CTNNA3: variants seen among roughly 807,000 people sequenced by gnomAD.
CTNNA3 encodes catenin alpha 3.
Under a neutral mutation model 95.7 loss-of-function variants are expected in CTNNA3, and 76 were observed. The ratio of observed to expected loss-of-function variants is 0.79; its 90% confidence interval spans 0.66 to 0.96. The LOEUF is 0.96. Among genes scored for constraint, CTNNA3 ranks in the 40% least tolerant of loss-of-function variants. CTNNA3 has a pLI of 0.00. For missense variants in CTNNA3, 1,191 were observed against 1,089.8 expected (o/e 1.09, Z -1.31); for synonymous variants, 431 against 374.4 (o/e 1.15, Z -1.74).
At chr10:67,079,717 G>A (rs1466015017) in intron 7 of CTNNA3, among the ~76,000 whole-genome samples, 3 of 151,806 alleles carry the variant, frequency 2.0e-5, no homozygotes, top group South Asian at 2.1e-4. Context: ...GCGTGGTGGC[G>A]GGCACCTGTA....
At chr10:66,479,523 T>C (rs547290073) in intron 11 of CTNNA3, among the ~76,000 whole-genome samples, 2 of 152,150 alleles carry the variant, frequency 1.3e-5, no homozygotes, top group Non-Finnish European at 2.9e-5. Flanking sequence ...TTAAATATTA[T>C]AATCATATAA....
intron 9 of CTNNA3, among the ~76,000 whole-genome samples, chr10:66,730,546 C>A (rs535695109): frequency 2.0e-4 from 31 of 152,156 alleles, no homozygotes; most frequent in Non-Finnish European, 4.1e-4. Context: ...CAGCAAACTA[C>A]CATGACACAT....
chr10:66,958,259 T>G (rs1041446947), intron 7 of CTNNA3, among the ~76,000 whole-genome samples: 5 of 150,394 alleles, frequency 3.3e-5, no homozygotes, highest in African/African-American at 1.2e-4. Flanking sequence ...AACTTAGCAT[T>G]TATTGGTTAA....
In CTNNA3 at chr10:66,804,382, G is replaced by C. The variant is rs544647231; in HGVS notation, c.1048-28858C>G. 2.0e-5 allele frequency among the ~76,000 whole-genome samples: 3 copies of C among 152,048 alleles called. No individual in the cohort carries two copies. In the East Asian group the frequency reaches 5.8e-4, roughly 29 times the overall value. On this transcript the variant is annotated intron_variant, in intron 7 of 17. Transcript: ENST00000433211. ...GAACTCCAGCATCATCCCTACATCC[G>C]CGCATCTGTATCCTTGCTCAGTGTC... is the stretch of plus-strand genomic sequence containing the variant.
intron 7 of CTNNA3, among the ~76,000 whole-genome samples, chr10:67,149,574 G>C (rs565125860): frequency 6.6e-6 from 1 of 152,218 alleles, no homozygotes; most frequent in Non-Finnish European, 1.5e-5. Context: ...AACAGAGATA[G>C]ACTCCGTCTC....
intron 7 of CTNNA3, among the ~76,000 whole-genome samples, chr10:66,995,400 C>G (rs761908223): frequency 6.6e-6 from 1 of 152,200 alleles, no homozygotes; most frequent in African/African-American, 2.4e-5. Flanking sequence ...TCATCTCTTA[C>G]ATGGCCCATG....
At chr10:66,735,478 C>A (rs1319858227) in intron 9 of CTNNA3, among the ~76,000 whole-genome samples, 4 of 151,834 alleles carry the variant, frequency 2.6e-5, no homozygotes, top group Non-Finnish European at 4.4e-5. Flanking sequence ...TTCAAACATA[C>A]TAAGATTTAA....
intron 7 of CTNNA3, among the ~76,000 whole-genome samples, chr10:66,962,976 C>CTGAA (rs539206689): frequency 0.23 from 34,226 of 151,764 alleles, 4,086 homozygotes; most frequent in East Asian, 0.36. Flanking sequence ...TAGTTGTTGA[C>CTGAA]TGAATGAATG....
chr10:66,671,781 C>A (rs1283371373), intron 9 of CTNNA3, among the ~76,000 whole-genome samples: 2 of 152,112 alleles, frequency 1.3e-5, no homozygotes, highest in Non-Finnish European at 2.9e-5. Context: ...TGGCTTGAGG[C>A]AAATTATTCA....
intron 2 of CTNNA3, among the ~76,000 whole-genome samples, chr10:67,638,910 A>G (rs1230769252): frequency 3.3e-5 from 5 of 152,228 alleles, no homozygotes; most frequent in Admixed American, 3.3e-4. Flanking sequence ...AAAGCAGGAA[A>G]GATCTAAAAT....
chr10:67,759,487 T>C (rs141489212), intron 1 of CTNNA3, among the ~76,000 whole-genome samples: 18 of 152,336 alleles, frequency 1.2e-4, no homozygotes, highest in Non-Finnish European at 1.5e-4. Context: ...TGTGAAATTT[T>C]CATAATACAA....
intron 9 of CTNNA3, among the ~76,000 whole-genome samples, chr10:66,760,445 T>C (rs949831070): frequency 6.6e-6 from 1 of 152,050 alleles, no homozygotes; most frequent in Admixed American, 6.5e-5. Context: ...TATCTCTACT[T>C]GGAGTTTTTT....
intron 7 of CTNNA3, among the ~76,000 whole-genome samples, chr10:67,095,578 A>G (rs1040632795): frequency 6.6e-5 from 10 of 151,870 alleles, no homozygotes; most frequent in African/African-American, 2.4e-4. Context: ...ACACACACAC[A>G]GAATAAATGT....
intron 7 of CTNNA3, among the ~76,000 whole-genome samples, chr10:67,051,702 C>T (rs1855109233): frequency 6.6e-6 from 1 of 151,484 alleles, no homozygotes; most frequent in South Asian, 2.1e-4. Context: ...CTGCACTCGG[C>T]CCACACATCT....
In CTNNA3 at chr10:66,805,508, CAT is replaced by C. The variant is rs546398239; in HGVS notation, c.1048-29986_1048-29985del. Among the ~76,000 whole-genome samples, 1,100 of 147,468 alleles carry C rather than the reference CAT, an allele frequency of 7.5e-3. 15 individuals carry two copies. The highest frequency in any genetic ancestry group is 0.024 in the African/African-American group (977 of 40,528). ...ACATATATATACATATATATTTATA[CAT>C]ATATATATATATTATCCTTCAATTG... On this transcript the variant is annotated intron_variant, in intron 7 of 17. Coordinates refer to ENST00000433211, the MANE Select transcript of CTNNA3 (RefSeq NM_013266.4).
chr10:66,908,796 G>A (rs577372502), intron 7 of CTNNA3, among the ~76,000 whole-genome samples: 11 of 152,162 alleles, frequency 7.2e-5, no homozygotes, highest in African/African-American at 2.2e-4. Context: ...AAAGCACCCT[G>A]TGCTTTTTTC....
At chr10:67,526,136 C>A (rs975624799) in intron 4 of CTNNA3, among the ~76,000 whole-genome samples, 1 of 152,100 alleles carries the variant, frequency 6.6e-6, no homozygotes, top group African/African-American at 2.4e-5. Context: ...TTGTTTTAAG[C>A]ATAAGAAATA....
chr10:66,906,611 A>T (rs1373175077), intron 7 of CTNNA3, among the ~76,000 whole-genome samples: 9 of 152,178 alleles, frequency 5.9e-5, no homozygotes, highest in Non-Finnish European at 1.0e-4. Context: ...CAATATGAGG[A>T]ACTACTTTTG....
intron 7 of CTNNA3, among the ~76,000 whole-genome samples, chr10:66,816,302 A>G (rs1400163580): frequency 6.6e-6 from 1 of 152,108 alleles, no homozygotes; most frequent in African/African-American, 2.4e-5. Flanking sequence ...AGACATAGAA[A>G]ACAAATATCA....
Sources: allele counts gnomAD v4.1 joint callset (sites outside exome capture counted in the v4.1 genomes callset), GRCh38; gene constraint gnomAD v4.1.1; transcripts MANE v1.5; gene names NCBI Gene and HGNC (gene_info 2026-07-23, HGNC 2026-07-21).